The following RANBP3 variants were observed in gnomAD, a reference collection of about 807,000 sequenced individuals.
RANBP3 encodes the protein ran-binding protein 3.
Under a neutral mutation model 77.3 loss-of-function variants are expected in RANBP3, and 14 were observed. The ratio of observed to expected loss-of-function variants is 0.18; its 90% CI spans 0.12 to 0.28. The LOEUF (loss-of-function observed/expected upper bound fraction) is 0.28, where lower values mean the gene tolerates loss of function less well. Ranked by LOEUF, RANBP3 falls within the 10% of genes least tolerant of loss-of-function variation. The pLI, the probability that RANBP3 is intolerant of heterozygous loss-of-function variation, is 1.00. For synonymous variants in RANBP3, 315 were observed against 312.4 expected (o/e 1.01, Z -0.09); for missense variants, 586 against 752.3 (o/e 0.78, Z 2.59).
chr19:5,957,524 TC>T (rs2058349105), intron 2 of RANBP3, among the ~76,000 whole-genome samples: 1 of 151,586 alleles, frequency 6.6e-6, no homozygotes, highest in African/African-American at 2.4e-5. Flanking sequence ...ATTGCTCTCC[TC>T]CTTCCCCTCC....
intron 5 of RANBP3, among the ~76,000 whole-genome samples, chr19:5,937,843 G>A (rs996014546): frequency 2.2e-4 from 34 of 152,264 alleles, no homozygotes; most frequent in Admixed American, 1.3e-4. Context: ...CCTCAGAAGC[G>A]ATCATGAGAT....
At chr19:5,948,510 A>G (rs2058236438) in intron 3 of RANBP3, among the ~76,000 whole-genome samples, 1 of 152,046 alleles carries the variant, frequency 6.6e-6, no homozygotes, top group African/African-American at 2.4e-5. Context: ...GCGGTGTACC[A>G]GGGCCTCAGT....
chr19:5,929,599 G>A (rs1054336404), intron 8 of RANBP3, among the ~76,000 whole-genome samples: 4 of 152,226 alleles, frequency 2.6e-5, no homozygotes, highest in Non-Finnish European at 4.4e-5. Context: ...GGCGGGAGGG[G>A]AAGCCTCTTC....
chr19:5,928,182 A>T (rs2057938834), intron 8 of RANBP3, 95 bp from the exon 9 acceptor site: 1 of 1,420,548 alleles, frequency 7.0e-7, no homozygotes, highest in South Asian at 1.4e-5. Flanking sequence ...CATGTACTCC[A>T]CACGTCTCCT....
At chr19:5,918,404 CT>C (rs2057773000) in intron 15 of RANBP3, 91 bp downstream of exon 15, 1 of 511,608 alleles carries the variant, frequency 2.0e-6, no homozygotes, top group South Asian at 3.6e-5. Context: ...CCCCCCTCCC[CT>C]CCCCACCGTC....
At position 5,954,515 on chromosome 19, in the gene RANBP3, G is replaced by C. The variant is rs577377580; in HGVS notation, c.79-2919C>G. 3.9e-5 allele frequency among the ~76,000 whole-genome samples: 6 copies of C among 152,304 alleles called. No individual in the cohort carries two copies. The East Asian group carries it at 1.2e-3, about 29-fold the overall frequency. ...CATGGGCTTAACTTCCGGTATGAGAGGTGAGGGCAGCAATGCTAACAGAGA... is the reference window on the plus strand; with the variant it reads ...CATGGGCTTAACTTCCGGTATGAGACGTGAGGGCAGCAATGCTAACAGAGA... On this transcript the variant is annotated intron_variant, in intron 2 of 16. Transcript: ENST00000340578.
intron 3 of RANBP3, among the ~76,000 whole-genome samples, chr19:5,945,254 G>A (rs947270089): frequency 3.9e-5 from 6 of 152,208 alleles, no homozygotes; most frequent in African/African-American, 9.7e-5. Context: ...ACTGGTCCCC[G>A]AGCTCCCTCG....
chr19:5,975,431 A>T (rs904541777), intron 1 of RANBP3, among the ~76,000 whole-genome samples: 1 of 152,118 alleles, frequency 6.6e-6, no homozygotes, highest in African/African-American at 2.4e-5. Context: ...TCCCCTGGAA[A>T]AGGGCAAGCC....
At chr19:5,925,869 G>A in intron 9 of RANBP3, 132 bp from the exon 10 acceptor site, 1 of 689,078 alleles carries the variant, frequency 1.5e-6, no homozygotes, top group Admixed American at 2.2e-5. Context: ...ACCCGCCTGT[G>A]TGTGTGCGCG....
intron 2 of RANBP3, among the ~76,000 whole-genome samples, chr19:5,953,740 G>A (rs759968433): frequency 3.9e-5 from 6 of 152,116 alleles, no homozygotes; most frequent in Non-Finnish European, 7.3e-5. Flanking sequence ...TTTTTGCCCC[G>A]GAAACAATGG....
chr19:5,917,356 A>G lies in RANBP3; in HGVS notation c.*254T>C. 1.9e-6 allele frequency: 1 copy of G among 530,066 alleles called. No individual in the cohort carries two copies. The highest frequency in any genetic ancestry group is 3.1e-5 in the East Asian group (1 of 31,792). The allele number at this position is 530,066 out of a possible 1,614,324, so 32.8% of individuals were successfully genotyped here. ...TGACAAGTCTTAATGTGCCATTTCA[A>G]TTCAAAGGAGGGGAGGGAGGAAATG... On this transcript the variant is annotated 3_prime_UTR_variant, in exon 17 of 17. Transcript: ENST00000340578.
At chr19:5,942,995 C>G (rs1422927073) in intron 3 of RANBP3, among the ~76,000 whole-genome samples, 1 of 152,158 alleles carries the variant, frequency 6.6e-6, no homozygotes, top group African/African-American at 2.4e-5. Flanking sequence ...CCACTGCACC[C>G]CAGCCTGAAG....
At chr19:5,970,608 T>G (rs974567086) in intron 1 of RANBP3, among the ~76,000 whole-genome samples, 1 of 152,018 alleles carries the variant, frequency 6.6e-6, no homozygotes, top group Admixed American at 6.6e-5. Context: ...CCCAACATCC[T>G]CCAAAGCACA....
chr19:5,931,314 C>T (rs1173202118), intron 8 of RANBP3, 90 bp downstream of exon 8: 15 of 1,466,886 alleles, frequency 1.0e-5, no homozygotes, highest in Admixed American at 2.1e-5. Context: ...CAGGTGACAG[C>T]GTGTGGACTC....
At chr19:5,950,343 T>C (rs1215007995) in intron 3 of RANBP3, among the ~76,000 whole-genome samples, 1 of 152,160 alleles carries the variant, frequency 6.6e-6, no homozygotes, top group South Asian at 2.1e-4. Context: ...CCCACACCCA[T>C]AGCCTATGGC....
At chr19:5,944,482 A>G (rs556016721) in intron 3 of RANBP3, among the ~76,000 whole-genome samples, 15 of 152,072 alleles carry the variant, frequency 9.9e-5, no homozygotes, top group Non-Finnish European at 1.8e-4. Flanking sequence ...GGCAGCCAAA[A>G]CCTTTGCTCA....
At chr19:5,969,940 C>T (rs908699696) in intron 1 of RANBP3, among the ~76,000 whole-genome samples, 7 of 152,242 alleles carry the variant, frequency 4.6e-5, no homozygotes, top group African/African-American at 1.7e-4. Context: ...GGGCCTTAAA[C>T]TCTAGCTGGC....
Position 5,931,468 on chromosome 19 carries a change from G to A in RANBP3, c.629C>T (p.Ala210Val), listed in dbSNP as rs751042644. 6.2e-7 allele frequency: 1 copy of A among 1,612,938 alleles called. No individual in the cohort carries two copies. The change falls in exon 8 of 17, where the codon GCA becomes GTA. Residue 210 changes from alanine (A) to valine (V), a missense_variant. By Grantham distance (64) the Ala-to-Val change is moderately conservative. Transcript: ENST00000340578. ...TCTCCATGCAGCAGTGTCAGGGGAT[G>A]CTGCGGGCACTGCCCCCGTGCAGTC... is the stretch of plus-strand genomic sequence containing the variant. Reference protein sequence around the residue: ...PADCTGAVPAASPDTAAWRSP... With the variant: ...PADCTGAVPAVSPDTAAWRSP...
At chr19:5,925,094 A>T (rs147855821) in intron 10 of RANBP3, 189 bp from the exon 11 acceptor site, 8 of 610,956 alleles carry the variant, frequency 1.3e-5, no homozygotes, top group African/African-American at 1.3e-4. Flanking sequence ...ATTAACCCTT[A>T]GCTCGCCCTG....
Sources: allele counts gnomAD v4.1 joint callset (sites outside exome capture counted in the v4.1 genomes callset), GRCh38; gene constraint gnomAD v4.1.1; transcripts MANE v1.5; gene names NCBI Gene and HGNC (gene_info 2026-07-23, HGNC 2026-07-21).